Variants in MYO16 observed in about 807,000 individuals in gnomAD.
MYO16 encodes the protein unconventional myosin-XVI.
Under a neutral mutation model 205.3 loss-of-function variants are expected in MYO16, and 94 were observed. The ratio of observed to expected loss-of-function variants is 0.46; its 90% CI spans 0.39 to 0.54. The LOEUF is 0.54. MYO16 is among the 20% of genes least tolerant of loss of function. The pLI, the probability that MYO16 is intolerant of heterozygous loss-of-function variation, is 0.00. For missense variants in MYO16, 2,315 were observed against 2,387.5 expected, an observed-to-expected ratio of 0.97 and a Z score of 0.63; for synonymous variants, 988 against 954.0, an observed-to-expected ratio of 1.04 and a Z score of -0.66.
At chr13:108,538,597 C>A in the MYO16 span, among the ~76,000 whole-genome samples, 3 of 151,986 alleles carry the variant, frequency 2.0e-5, no homozygotes, top group African/African-American at 7.2e-5. Context: ...GTAGAGGAAC[C>A]TATGGGTGAT....
chr13:109,076,247 T>C (rs1041734023), intron 27 of MYO16, among the ~76,000 whole-genome samples: 6 of 152,244 alleles, frequency 3.9e-5, no homozygotes, highest in Non-Finnish European at 2.9e-5. Context: ...GTAAATCGAT[T>C]TCATTAATTT....
chr13:109,185,863 C>A (rs1400116789), intron 34 of MYO16, among the ~76,000 whole-genome samples: 1 of 152,164 alleles, frequency 6.6e-6, no homozygotes, highest in Non-Finnish European at 1.5e-5. Context: ...ATAACCAATG[C>A]TATTCATGCT....
At chr13:108,683,675 G>A (rs997230477) in intron 2 of MYO16, among the ~76,000 whole-genome samples, 1 of 152,142 alleles carries the variant, frequency 6.6e-6, no homozygotes, top group Admixed American at 6.5e-5. Context: ...TAAAGAAAAA[G>A]AATTACCTTC....
chr13:108,519,504 G>A, the MYO16 span, among the ~76,000 whole-genome samples: 8 of 151,554 alleles, frequency 5.3e-5, no homozygotes, highest in African/African-American at 1.7e-4. Flanking sequence ...TCTTGATTCT[G>A]TAAAAGTACT....
At chr13:109,152,926 G>A (rs369015808) in intron 32 of MYO16, among the ~76,000 whole-genome samples, 1 of 152,134 alleles carries the variant, frequency 6.6e-6, no homozygotes, top group African/African-American at 2.4e-5. Flanking sequence ...GAATCTATTT[G>A]GTGCCAGACA....
chr13:108,688,947 A>C (rs1447792554), intron 2 of MYO16, among the ~76,000 whole-genome samples: 1 of 152,170 alleles, frequency 6.6e-6, no homozygotes, highest in East Asian at 1.9e-4. Flanking sequence ...TGAGCTTGTT[A>C]TAAAGATTTG....
intron 29 of MYO16, among the ~76,000 whole-genome samples, chr13:109,120,848 A>G (rs1211036328): frequency 6.6e-6 from 1 of 152,062 alleles, no homozygotes; most frequent in East Asian, 1.9e-4. Context: ...CCAGGAGTTC[A>G]AGACCAGCCT....
the MYO16 span, among the ~76,000 whole-genome samples, chr13:108,498,865 A>G: frequency 1.3e-5 from 2 of 152,152 alleles, no homozygotes; most frequent in African/African-American, 4.8e-5. Context: ...CCCTGTCTAG[A>G]TGTAGGGAGG....
At chr13:108,906,471 C>G (rs1050619462) in intron 15 of MYO16, among the ~76,000 whole-genome samples, 8 of 152,108 alleles carry the variant, frequency 5.3e-5, no homozygotes, top group Non-Finnish European at 8.8e-5. Context: ...GTTAAATAAA[C>G]TAGAGGTGTA....
At chr13:108,983,753 G>A (rs1424721353) in intron 20 of MYO16, among the ~76,000 whole-genome samples, 3 of 152,092 alleles carry the variant, frequency 2.0e-5, no homozygotes, top group African/African-American at 2.4e-5. Flanking sequence ...ATTCTTAATT[G>A]TTAAGACTGA....
chr13:108,564,637 A>G, the MYO16 span, among the ~76,000 whole-genome samples: 1 of 152,158 alleles, frequency 6.6e-6, no homozygotes, highest in Non-Finnish European at 1.5e-5. Flanking sequence ...CTTGCTGTGC[A>G]AAAGGCTTTT....
At chr13:108,608,452 C>G (rs1879043664) in intron 1 of MYO16, among the ~76,000 whole-genome samples, 1 of 152,174 alleles carries the variant, frequency 6.6e-6, no homozygotes. Context: ...AGCCAGAACC[C>G]TTCCTTGCAC....
rs116487861 is a variant in MYO16, at chr13:108,924,013, A to G, written c.1925+13863A>G. Among the ~76,000 whole-genome samples, 1,272 of 152,252 alleles carry G rather than the reference A, an allele frequency of 8.4e-3. 15 individuals are homozygous for G. The highest frequency in any genetic ancestry group is 0.029 in the African/African-American group (1,218 of 41,542). ...TTACTATTGAACTCTTTGGGCCATG[A>G]AGCTTCCTCATAAAATCTTAGAGAC... On this transcript the variant is annotated intron_variant, in intron 16 of 34. Coordinates refer to ENST00000457511, the MANE Select transcript of MYO16 (RefSeq NM_001198950.3).
chr13:108,738,829 G>A (rs1469335346), intron 4 of MYO16, among the ~76,000 whole-genome samples: 2 of 152,036 alleles, frequency 1.3e-5, no homozygotes, highest in East Asian at 1.9e-4. Context: ...TCCTGTATTG[G>A]GTGCATATAT....
intron 24 of MYO16, among the ~76,000 whole-genome samples, chr13:109,047,278 G>A (rs1566479956): frequency 6.6e-6 from 1 of 152,142 alleles, no homozygotes; most frequent in Non-Finnish European, 1.5e-5. Context: ...AAGCTTTTCT[G>A]TGAAGACTAA....
At chr13:108,722,576 T>A (rs1388420559) in intron 3 of MYO16, among the ~76,000 whole-genome samples, 1 of 152,214 alleles carries the variant, frequency 6.6e-6, no homozygotes, top group Non-Finnish European at 1.5e-5. Context: ...TTCAGGTATC[T>A]GAATATAAAT....
At chr13:109,044,834 C>T (rs562458273) in intron 23 of MYO16, among the ~76,000 whole-genome samples, 10 of 152,090 alleles carry the variant, frequency 6.6e-5, no homozygotes, top group African/African-American at 2.2e-4. Context: ...GGATTACAGG[C>T]GTCTGTCACC....
intron 4 of MYO16, among the ~76,000 whole-genome samples, chr13:108,734,779 G>T (rs1173240108): frequency 6.6e-6 from 1 of 152,228 alleles, no homozygotes; most frequent in Non-Finnish European, 1.5e-5. Flanking sequence ...TTGCTATCAA[G>T]CTTTCTGGAA....
chr13:108,504,128 G>GTTTTA, the MYO16 span, among the ~76,000 whole-genome samples: 3 of 151,990 alleles, frequency 2.0e-5, no homozygotes, highest in Non-Finnish European at 4.4e-5. Context: ...GTTTTGTTTT[G>GTTTTA]TTTTGTTTTT....
Sources: gnomAD v4.1 joint callset for allele counts (sites outside exome capture counted in the v4.1 genomes callset) on GRCh38, gnomAD v4.1.1 for gene constraint, MANE v1.5 for transcripts, NCBI Gene and HGNC (gene_info 2026-07-23, HGNC 2026-07-21) for gene names.